RBFOX1: variants seen among roughly 807,000 people sequenced by gnomAD.
RBFOX1 encodes RNA binding fox-1 homolog 1.
In RBFOX1, 8 loss-of-function variants were observed where a neutral mutation model predicts 57.7. The observed-to-expected ratio is 0.14, with a 90% CI of 0.08 to 0.25. The LOEUF (loss-of-function observed/expected upper bound fraction) is 0.25, where lower values mean the gene tolerates loss of function less well. Among genes scored for constraint, RBFOX1 ranks in the 10% least tolerant of loss-of-function variants. RBFOX1 has a pLI of 1.00. For missense variants in RBFOX1, 611 were observed against 548.5 expected (o/e 1.11, Z -1.14); for synonymous variants, 326 against 222.4 (o/e 1.47, Z -4.15).
chr16:7,214,818 A>C (rs983430866), intron 4 of RBFOX1, among the ~76,000 whole-genome samples: 1 of 152,140 alleles, frequency 6.6e-6, no homozygotes, highest in Non-Finnish European at 1.5e-5. Flanking sequence ...CCTCACATTT[A>C]ATGTCTGCAT....
chr16:6,318,188 A>C (rs1015115425), intron 2 of RBFOX1, among the ~76,000 whole-genome samples: 5 of 152,222 alleles, frequency 3.3e-5, no homozygotes, highest in African/African-American at 1.2e-4. Context: ...AGAATGACTT[A>C]GCGTAACCCT....
chr16:6,839,112 G>T (rs550243984), intron 3 of RBFOX1, among the ~76,000 whole-genome samples: 2 of 151,928 alleles, frequency 1.3e-5, no homozygotes, highest in South Asian at 4.2e-4. Flanking sequence ...AGCCTCCCAA[G>T]TAGGTGAGAT....
intron 2 of RBFOX1, among the ~76,000 whole-genome samples, chr16:6,338,346 G>A (rs1318183797): frequency 6.6e-6 from 1 of 152,128 alleles, no homozygotes; most frequent in African/African-American, 2.4e-5. Flanking sequence ...TGCCAATGTT[G>A]AAGTTTGTTA....
chr16:6,722,453 C>T (rs1327152833), intron 3 of RBFOX1, among the ~76,000 whole-genome samples: 1 of 152,194 alleles, frequency 6.6e-6, no homozygotes, highest in Admixed American at 6.5e-5. Context: ...TCTCTTCCAT[C>T]CACTCCTTTC....
chr16:5,276,290 A>C (rs560368927), intron 1 of RBFOX1, among the ~76,000 whole-genome samples: 21 of 152,334 alleles, frequency 1.4e-4, no homozygotes, highest in African/African-American at 4.8e-4. Context: ...GCATCTGACA[A>C]AGGACTAATG....
chr16:5,635,218 C>T (rs1283577338), intron 3 of RBFOX1, among the ~76,000 whole-genome samples: 2 of 152,200 alleles, frequency 1.3e-5, no homozygotes, highest in African/African-American at 2.4e-5. Context: ...GGTCAGCCAT[C>T]TGACAAAAGT....
At chr16:7,622,340 T>C (rs901971320) in intron 10 of RBFOX1, among the ~76,000 whole-genome samples, 5 of 152,354 alleles carry the variant, frequency 3.3e-5, no homozygotes, top group Admixed American at 2.6e-4. Context: ...AAGTTAAAGT[T>C]GAGCAGGATA....
chr16:6,032,142 G>A (rs1019481218), intron 1 of RBFOX1, among the ~76,000 whole-genome samples: 3 of 151,286 alleles, frequency 2.0e-5, no homozygotes, highest in African/African-American at 4.9e-5. Context: ...TCTTTTATCC[G>A]TGCTTTCAAT....
Position 6,452,564 on chromosome 16 carries a change from C to T in RBFOX1, c.-64+135507C>T, listed in dbSNP as rs929512457. Reference sequence around the variant, plus strand: ...ATCTACCAGGGATGTACCTAGAGATCGTCAAGTGATACCTGAACAATAGGG... The same window carrying T: ...ATCTACCAGGGATGTACCTAGAGATTGTCAAGTGATACCTGAACAATAGGG... On this transcript the variant is annotated intron_variant, in intron 2 of 15. Coordinates refer to ENST00000550418, the MANE Select transcript of RBFOX1 (RefSeq NM_018723.4). Among the ~76,000 whole-genome samples, 6 of 152,270 alleles carry T rather than the reference C, an allele frequency of 3.9e-5. No homozygotes were observed. The East Asian group carries it at 5.8e-4, about 15-fold the overall frequency.
intron 4 of RBFOX1, among the ~76,000 whole-genome samples, chr16:7,428,955 G>A (rs1203085353): frequency 2.6e-5 from 4 of 152,030 alleles, no homozygotes; most frequent in African/African-American, 4.8e-5. Flanking sequence ...ACAATGCCTG[G>A]CGCTCTGCAA....
chr16:5,503,505 G>A (rs981460082), intron 2 of RBFOX1, among the ~76,000 whole-genome samples: 2 of 152,192 alleles, frequency 1.3e-5, no homozygotes, highest in African/African-American at 4.8e-5. Context: ...GGCGCATGGC[G>A]CAATCACGGC....
intron 4 of RBFOX1, among the ~76,000 whole-genome samples, chr16:5,882,485 C>G (rs2057787130): frequency 6.6e-6 from 1 of 152,160 alleles, no homozygotes; most frequent in Non-Finnish European, 1.5e-5. Flanking sequence ...AAATGTAGTC[C>G]AGCTGTGAAC....
At chr16:6,793,102 A>T (rs1285904080) in intron 3 of RBFOX1, among the ~76,000 whole-genome samples, 1 of 152,134 alleles carries the variant, frequency 6.6e-6, no homozygotes. Flanking sequence ...CAGATTGCAC[A>T]AAAGTTCATG....
chr16:6,951,415 T>A (rs1415160603), intron 3 of RBFOX1, among the ~76,000 whole-genome samples: 4 of 152,160 alleles, frequency 2.6e-5, no homozygotes, highest in Non-Finnish European at 5.9e-5. Context: ...ACATTTATTT[T>A]ACTTAAGAAT....
chr16:5,664,637 C>T (rs2049773040), intron 3 of RBFOX1, among the ~76,000 whole-genome samples: 1 of 152,154 alleles, frequency 6.6e-6, no homozygotes, highest in Admixed American at 6.6e-5. Context: ...AAGGGTTTAT[C>T]CTACTTGAGA....
intron 4 of RBFOX1, among the ~76,000 whole-genome samples, chr16:7,499,784 G>T (rs1363265306): frequency 6.6e-6 from 1 of 151,774 alleles, no homozygotes; most frequent in Admixed American, 6.6e-5. Context: ...ATCAGCCTCA[G>T]TTTCCTTAGC....
chr16:7,209,417 A>G (rs1333385387), intron 4 of RBFOX1, among the ~76,000 whole-genome samples: 1 of 152,198 alleles, frequency 6.6e-6, no homozygotes, highest in Non-Finnish European at 1.5e-5. Context: ...TAGTGACCTC[A>G]TTTTAACTTA....
At chr16:7,227,847 C>T (rs1376647061) in intron 4 of RBFOX1, among the ~76,000 whole-genome samples, 1 of 152,220 alleles carries the variant, frequency 6.6e-6, no homozygotes, top group Non-Finnish European at 1.5e-5. Flanking sequence ...ATGATGACTT[C>T]TGTACTGGCT....
At chr16:6,330,334 A>C (rs938907780) in intron 2 of RBFOX1, among the ~76,000 whole-genome samples, 1 of 152,150 alleles carries the variant, frequency 6.6e-6, no homozygotes, top group African/African-American at 2.4e-5. Flanking sequence ...GAAGAACTTG[A>C]AGGTTTCACA....
Sources: allele counts gnomAD v4.1 joint callset (sites outside exome capture counted in the v4.1 genomes callset), GRCh38; gene constraint gnomAD v4.1.1; transcripts MANE v1.5; gene names NCBI Gene and HGNC (gene_info 2026-07-23, HGNC 2026-07-21).